SETX: variants seen among roughly 807,000 people sequenced by gnomAD.
SETX encodes helicase senataxin.
A neutral mutation model predicts 227.2 loss-of-function variants in SETX; 90 were observed. The ratio of observed to expected loss-of-function variants is 0.40; its 90% CI spans 0.33 to 0.47. The LOEUF is 0.47. Ranked by LOEUF, SETX falls within the 20% of genes least tolerant of loss-of-function variation. The probability of loss-of-function intolerance (pLI) is 0.91; values close to 1 mark genes in which losing one functional copy is unlikely to be tolerated. For missense variants in SETX, 3,052 were observed against 3,181.5 expected (o/e 0.96, Z 0.98); for synonymous variants, 1,210 against 1,113.2 (o/e 1.09, Z -1.73).
At chr9:132,341,725 C>T (rs1847980544) in intron 5 of SETX, among the ~76,000 whole-genome samples, 1 of 152,184 alleles carries the variant, frequency 6.6e-6, no homozygotes, top group African/African-American at 2.4e-5. Flanking sequence ...GAAGCACCCC[C>T]ATCCGCCCCT....
At chr9:132,336,205 T>G in intron 6 of SETX, 91 bp downstream of exon 6, 1 of 1,078,478 alleles carries the variant, frequency 9.3e-7, no homozygotes, top group Admixed American at 2.0e-5. Context: ...ATGGTGCCAC[T>G]GCACTCCAGC....
In SETX at chr9:132,281,574, C is replaced by T. The variant is rs1395228782; in HGVS notation, c.6547G>A (p.Ala2183Thr). Reference protein sequence around the residue: ...VPFSCVIVDEAGQSCEIETLT... With the variant: ...VPFSCVIVDETGQSCEIETLT... Reference sequence around the variant, plus strand: ...GTCTCAATTTCACAAGACTGTCCAGCCTTGGTAAGATACAGAAGAGAGAGG... The same window carrying T: ...GTCTCAATTTCACAAGACTGTCCAGTCTTGGTAAGATACAGAAGAGAGAGG... The change falls in exon 20 of 26, where the codon GCT becomes ACT. Residue 2183 changes from alanine to threonine, a missense_variant and splice_region_variant. This residue lies in a region of SETX where 412 missense variants were observed against 589.0 expected (regional missense o/e 0.70). Coordinates refer to ENST00000224140, the MANE Select transcript of SETX (RefSeq NM_015046.7). The T allele has an allele frequency of 6.2e-7, 1 of 1,604,380 alleles. No individual in the cohort carries two copies. The highest frequency in any genetic ancestry group is 8.5e-7 in the Non-Finnish European group (1 of 1,171,232).
rs1290466040 is a variant in SETX, at chr9:132,298,214, G to C, written c.5647C>G (p.Leu1883Val). 4 of 1,614,044 alleles carry C rather than the reference G, an allele frequency of 2.5e-6. No homozygotes were observed. The highest frequency in any genetic ancestry group is 2.5e-6 in the Non-Finnish European group (3 of 1,179,982). ...ELVNCIVISS[L>V]VTTQRKLKAM... ...TTCAACTTCCTTTGTGTAGTTACCAGAGAACTGATTACAATACAATTCACA... is the reference window on the plus strand; with the variant it reads ...TTCAACTTCCTTTGTGTAGTTACCACAGAACTGATTACAATACAATTCACA... Residue 1883 changes from leucine (L) to valine (V), a missense_variant, in exon 13 of 26, where the codon CTG (leucine) becomes GTG (valine). By Grantham distance (32) the Leu-to-Val change is conservative. Transcript: ENST00000224140.
At position 132,327,553 on chromosome 9, in the gene SETX, G is replaced by C. The variant is rs146407699; in HGVS notation, c.4045C>G (p.Gln1349Glu). The C allele has an allele frequency of 1.7e-5, 27 of 1,613,954 alleles. No homozygotes were observed. Among genetic ancestry groups the C allele is most frequent in the Non-Finnish European group, 2.3e-5 (27 of 1,180,046 alleles). ...NKKLLTSQEL[Q>E]MQRQIRPKSQ... ...TTGGGTCTGATCTGCCTTTGCATCTGAAGTTCTTGACTAGTCAGAAGTTTC... is the reference window on the plus strand; with the variant it reads ...TTGGGTCTGATCTGCCTTTGCATCTCAAGTTCTTGACTAGTCAGAAGTTTC... The change falls in exon 10 of 26, where the codon CAG becomes GAG. Residue 1349 changes from glutamine (Q) to glutamate (E), a missense_variant. Physicochemically the swap from Gln to Glu is conservative, Grantham distance 29. This residue lies in a region of SETX where 1,483 missense variants were observed against 1,312.0 expected (regional missense o/e 1.13). Coordinates refer to ENST00000224140, the MANE Select transcript of SETX (RefSeq NM_015046.7).
chr9:132,305,556 C>T (rs1338374000), intron 11 of SETX, among the ~76,000 whole-genome samples: 2 of 152,118 alleles, frequency 1.3e-5, no homozygotes, highest in Non-Finnish European at 1.5e-5. Context: ...TTATCAACGT[C>T]ATGTACCTCC....
upstream of SETX, among the ~76,000 whole-genome samples, chr9:132,355,572 G>T (rs1482736595): frequency 6.6e-6 from 1 of 152,204 alleles, no homozygotes; most frequent in East Asian, 1.9e-4. Flanking sequence ...TGGTGCGGTG[G>T]CTCCCGCTTC....
At position 132,281,448 on chromosome 9, in the gene SETX, C is replaced by G; in HGVS notation, c.6654+19G>C. The G allele has an allele frequency of 6.4e-7, 1 of 1,574,142 alleles. No homozygotes were observed. Among genetic ancestry groups the G allele is most frequent in the East Asian group, 2.2e-5 (1 of 44,666 alleles). On this transcript the variant is annotated intron_variant, in intron 20 of 25. Transcript: ENST00000224140. ...AAAGCCCCTTCCATTTTAAAGCAAT[C>G]TGAACATAAAAAACTTACCATAGAG...
At chr9:132,320,158 T>G (rs1374261471) in intron 10 of SETX, among the ~76,000 whole-genome samples, 1 of 152,244 alleles carries the variant, frequency 6.6e-6, no homozygotes, top group Non-Finnish European at 1.5e-5. Flanking sequence ...TGTTCTCATT[T>G]GTCTTTCGTA....
chr9:132,324,559 A>G lies in SETX; in HGVS notation c.5274+1765T>C, dbSNP rs1371219348. On this transcript the variant is annotated intron_variant, in intron 10 of 25. Transcript: ENST00000224140. ...TAGTCACTTGGGTCTCAGTGTAAAT[A>G]TCATCTGCTCATAGAGGTTATCTGA... 2.0e-5 allele frequency among the ~76,000 whole-genome samples: 3 copies of G among 152,248 alleles called. No individual in the cohort carries two copies. In the East Asian group the frequency reaches 5.8e-4, roughly 29 times the overall value.
In SETX at chr9:132,340,567, T is replaced by C. The variant is rs77623141; in HGVS notation, c.498+2123A>G. On this transcript the variant is annotated intron_variant, in intron 5 of 25. Transcript: ENST00000224140. Reference sequence around the variant, plus strand: ...AAACGTACTCACTCACTGCCACGCATTTTAGTTTTCTAAGTCAGGTCGTCA... The same window carrying C: ...AAACGTACTCACTCACTGCCACGCACTTTAGTTTTCTAAGTCAGGTCGTCA... 4.4e-4 allele frequency among the ~76,000 whole-genome samples: 67 copies of C among 152,182 alleles called. 2 individuals are homozygous for C. The East Asian group carries it at 0.013, about 29-fold the overall frequency.
intron 15 of SETX, among the ~76,000 whole-genome samples, chr9:132,289,864 A>C (rs948587275): frequency 5.9e-5 from 9 of 152,130 alleles, no homozygotes; most frequent in Non-Finnish European, 1.2e-4. Context: ...TTTTGGTTTT[A>C]ATGTTTTTGT....
In SETX at chr9:132,326,719, T is replaced by C; in HGVS notation, c.4879A>G (p.Lys1627Glu). 6.2e-7 allele frequency: 1 copy of C among 1,614,200 alleles called. No homozygotes were observed. Among genetic ancestry groups the C allele is most frequent in the Non-Finnish European group, 8.5e-7 (1 of 1,180,022 alleles). The part of the protein sequence containing the change: ...SSALSPSLKN[K>E]SKGIQSILKV... Reference sequence around the variant, plus strand: ...AAAATCGACTGTATCCCCTTTGACTTATTTTTTAGAGACGGTGAAAGTGCT... The same window carrying C: ...AAAATCGACTGTATCCCCTTTGACTCATTTTTTAGAGACGGTGAAAGTGCT... Residue 1627 changes from lysine (K) to glutamate (E), a missense_variant, in exon 10 of 26, where the codon AAG becomes GAG. Coordinates refer to ENST00000224140, the MANE Select transcript of SETX (RefSeq NM_015046.7).
rs201297943 is a variant in SETX, at chr9:132,296,201, C to CA, written c.5950-174dup. On this transcript the variant is annotated intron_variant, in intron 14 of 25. Transcript: ENST00000224140. ...ACACTGATATTTAAAATTACTCCAG[C>CA]AAAAAAATTTGTCATAACTGCTCTG... Among the ~76,000 whole-genome samples the CA allele has an allele frequency of 2.8e-3, 427 of 152,258 alleles. 2 individuals carry two copies. Among genetic ancestry groups the CA allele is most frequent in the African/African-American group, 9.6e-3 (398 of 41,550 alleles).
chr9:132,263,023 AT>A lies in SETX; in HGVS notation c.*1215del. 1 of 152,120 alleles carries A rather than the reference AT, an allele frequency of 6.6e-6. No homozygotes were observed. The highest frequency in any genetic ancestry group is 1.5e-5 in the Non-Finnish European group (1 of 67,986). The allele number at this position is 152,120 out of a possible 1,614,324, so 9.4% of individuals were successfully genotyped here. A position where few individuals can be genotyped will look rare whatever the true frequency, so the allele number is the denominator to read the frequency against. Reference sequence around the variant, plus strand: ...CCTCGATCTCCATTCACCATGACCAATTTTTTCCCCCACAAAAGCACTATCA... The same window carrying A: ...CCTCGATCTCCATTCACCATGACCAATTTTTCCCCCACAAAAGCACTATCA... On this transcript the variant is annotated 3_prime_UTR_variant, in exon 26 of 26. Coordinates refer to ENST00000224140, the MANE Select transcript of SETX (RefSeq NM_015046.7).
intron 11 of SETX, among the ~76,000 whole-genome samples, chr9:132,302,681 CAAAAA>C (rs57673567): frequency 2.5e-5 from 2 of 78,482 alleles, no homozygotes; most frequent in Non-Finnish European, 5.8e-5. Context: ...AAAAAAAAAG[CAAAAA>C]AAAAAAAAAA....
chr9:132,329,140 T>C lies in SETX; in HGVS notation c.2458A>G (p.Ile820Val), dbSNP rs1564544383. 2.5e-6 allele frequency: 4 copies of C among 1,610,748 alleles called. No individual in the cohort carries two copies. The highest frequency in any genetic ancestry group is 4.5e-5 in the East Asian group (2 of 44,822). Residue 820 changes from isoleucine to valine, a missense_variant, in exon 10 of 26, where the codon ATT becomes GTT. By Grantham distance (29) the Ile-to-Val change is conservative. Around this residue, in one of 10 missense-constraint regions of SETX, gnomAD observed 1,483 missense variants for 1,312.0 expected, o/e 1.13. Coordinates refer to ENST00000224140, the MANE Select transcript of SETX (RefSeq NM_015046.7). Reference protein sequence around the residue: ...NLDENLTVSNIESFYSRKDTG... With the variant: ...NLDENLTVSNVESFYSRKDTG... ...TCTTTCCTTGAATAGAAACTCTCAATGTTAGATACAGTCAAATTTTCATCT... is the reference window on the plus strand; with the variant it reads ...TCTTTCCTTGAATAGAAACTCTCAACGTTAGATACAGTCAAATTTTCATCT...
At chr9:132,311,884 A>C (rs1189833430) in intron 10 of SETX, 28 bp from the exon 11 acceptor site, 1 of 1,508,114 alleles carries the variant, frequency 6.6e-7, no homozygotes, top group East Asian at 2.3e-5. Flanking sequence ...GCAAATTAAG[A>C]AAGCAACATT....
At position 132,263,818 on chromosome 9, in the gene SETX, TTG is replaced by T; in HGVS notation, c.*419_*420del. 1 of 186,610 alleles carries T rather than the reference TTG, an allele frequency of 5.4e-6. No individual in the cohort carries two copies. Among genetic ancestry groups the T allele is most frequent in the Non-Finnish European group, 1.1e-5 (1 of 88,100 alleles). 11.6% of individuals were successfully genotyped at this position (186,610 alleles called of 1,614,324 possible). On this transcript the variant is annotated 3_prime_UTR_variant, in exon 26 of 26. Coordinates refer to ENST00000224140, the MANE Select transcript of SETX (RefSeq NM_015046.7). ...CCGCCCTCCTCCCATCTTTTTTTTTTTGGTAATATAAAGTTTGTTCTGTTGAA... is the reference window on the plus strand; with the variant it reads ...CCGCCCTCCTCCCATCTTTTTTTTTTGTAATATAAAGTTTGTTCTGTTGAA...
At chr9:132,268,869 G>A (rs968437803) in intron 25 of SETX, among the ~76,000 whole-genome samples, 12 of 152,200 alleles carry the variant, frequency 7.9e-5, no homozygotes, top group African/African-American at 2.9e-4. Flanking sequence ...GACGACAAAG[G>A]CTGGAGGTGA....
Sources: allele counts gnomAD v4.1 joint callset (sites outside exome capture counted in the v4.1 genomes callset), GRCh38; gene constraint gnomAD v4.1.1; regional missense constraint gnomAD v4.1.1; transcripts MANE v1.5; gene names NCBI Gene and HGNC (gene_info 2026-07-23, HGNC 2026-07-21).